The following AFF1 variants were observed in gnomAD, a reference collection of about 807,000 sequenced individuals.
The protein encoded by AFF1 is ALF transcription elongation factor 1.
In AFF1, 48 loss-of-function variants were observed where a neutral mutation model predicts 121.7. The ratio of observed to expected loss-of-function variants is 0.39; its 90% CI spans 0.31 to 0.50. The LOEUF (loss-of-function observed/expected upper bound fraction) is 0.50, where lower values mean the gene tolerates loss of function less well. Ranked by LOEUF, AFF1 falls within the 20% of genes least tolerant of loss-of-function variation. The pLI is 0.76. For synonymous variants in AFF1, 613 were observed against 563.0 expected, an observed-to-expected ratio of 1.09 and a Z score of -1.26; for missense variants, 1,523 against 1,511.7, an observed-to-expected ratio of 1.01 and a Z score of -0.12.
intron 2 of AFF1, among the ~76,000 whole-genome samples, chr4:86,966,191 T>C (rs1722528211): frequency 6.6e-6 from 1 of 151,944 alleles, no homozygotes; most frequent in South Asian, 2.1e-4. Flanking sequence ...ATGGAGGTAC[T>C]ACAGTATATT....
At position 87,082,427 on chromosome 4, in the gene AFF1, G is replaced by GC. The variant is rs1367345616; in HGVS notation, c.1060-1691dup. On this transcript the variant is annotated intron_variant, in intron 4 of 20. Transcript: ENST00000395146. ...GCTAGAGATGATTCCAGTGGATCCTGCCAGATGTAAGGGACACCCTTGATT... is the reference window on the plus strand; with the variant it reads ...GCTAGAGATGATTCCAGTGGATCCTGCCCAGATGTAAGGGACACCCTTGATT... Among the ~76,000 whole-genome samples, 4 of 152,274 alleles carry GC rather than the reference G, an allele frequency of 2.6e-5. No individual in the cohort carries two copies. In the East Asian group the frequency reaches 7.7e-4, roughly 29 times the overall value.
chr4:87,125,541 T>C (rs1359191699), intron 13 of AFF1, among the ~76,000 whole-genome samples: 1 of 152,208 alleles, frequency 6.6e-6, no homozygotes, highest in African/African-American at 2.4e-5. Flanking sequence ...CGGGAGCCTG[T>C]GTTCAGTGCT....
intron 18 of AFF1, 133 bp from the exon 19 acceptor site, chr4:87,132,138 A>AG: frequency 1.0e-6 from 1 of 1,002,564 alleles, no homozygotes; most frequent in Non-Finnish European, 1.4e-6. Flanking sequence ...TGAACAGAGC[A>AG]GTAAGATACT....
intron 4 of AFF1, among the ~76,000 whole-genome samples, chr4:87,065,175 C>G (rs561201783): frequency 6.6e-6 from 1 of 152,184 alleles, no homozygotes; most frequent in Non-Finnish European, 1.5e-5. Flanking sequence ...GGAGAACTCA[C>G]AGTTCCACAT....
intron 8 of AFF1, among the ~76,000 whole-genome samples, chr4:87,098,011 A>G (rs1474757095): frequency 6.6e-6 from 1 of 152,164 alleles, no homozygotes; most frequent in East Asian, 1.9e-4. Flanking sequence ...ATCAGAAAAA[A>G]ATTATTAATT....
chr4:87,072,139 G>A (rs952662141), intron 4 of AFF1, among the ~76,000 whole-genome samples: 1 of 152,130 alleles, frequency 6.6e-6, no homozygotes, highest in Non-Finnish European at 1.5e-5. Context: ...CGAGGTGGGC[G>A]GATCACGAAG....
chr4:87,136,747 A>G lies in AFF1; in HGVS notation c.*1046A>G, dbSNP rs1178178569. ...CTCAGAGTTTCGTCAGTGAACAAGAAACATGAAATCTGCTTCTTAGAGAGG... is the reference window on the plus strand; with the variant it reads ...CTCAGAGTTTCGTCAGTGAACAAGAGACATGAAATCTGCTTCTTAGAGAGG... On this transcript the variant is annotated 3_prime_UTR_variant, in exon 21 of 21. Coordinates refer to ENST00000395146, the MANE Select transcript of AFF1 (RefSeq NM_001166693.3). 2.2e-5 allele frequency: 5 copies of G among 227,670 alleles called. No individual in the cohort carries two copies. Among genetic ancestry groups the G allele is most frequent in the Non-Finnish European group, 4.4e-5 (5 of 114,684 alleles). The allele number at this position is 227,670 out of a possible 1,614,324, so 14.1% of individuals were successfully genotyped here.
intron 4 of AFF1, among the ~76,000 whole-genome samples, chr4:87,081,508 T>C (rs1384888734): frequency 6.6e-6 from 1 of 152,192 alleles, no homozygotes. Flanking sequence ...TGAACATCTT[T>C]CCATGCAAAC....
intron 4 of AFF1, among the ~76,000 whole-genome samples, chr4:87,071,198 G>GA (rs1236596326): frequency 1.6e-4 from 24 of 149,068 alleles, no homozygotes; most frequent in African/African-American, 5.9e-4. Flanking sequence ...TTTAAATACA[G>GA]GGTTCTAGGT....
intron 2 of AFF1, among the ~76,000 whole-genome samples, chr4:87,017,026 A>G (rs535678294): frequency 6.6e-6 from 1 of 151,948 alleles, no homozygotes; most frequent in African/African-American, 2.4e-5. Flanking sequence ...AATTGTGAAT[A>G]ATGTTGCTGT....
At chr4:87,079,389 G>A (rs983209641) in intron 4 of AFF1, among the ~76,000 whole-genome samples, 5 of 152,214 alleles carry the variant, frequency 3.3e-5, no homozygotes, top group African/African-American at 9.6e-5. Flanking sequence ...CATTCCAGGA[G>A]GAGTGAGAAA....
intron 1 of AFF1, among the ~76,000 whole-genome samples, chr4:86,945,060 T>C (rs1261542535): frequency 6.6e-6 from 1 of 152,236 alleles, no homozygotes; most frequent in East Asian, 1.9e-4. Context: ...TTTGCATCAT[T>C]CACATAAAAT....
At chr4:86,993,010 A>G (rs1171628444) in intron 2 of AFF1, among the ~76,000 whole-genome samples, 3 of 152,206 alleles carry the variant, frequency 2.0e-5, no homozygotes, top group African/African-American at 7.2e-5. Context: ...TTTAGACGTA[A>G]TAAATGCTCA....
intron 2 of AFF1, among the ~76,000 whole-genome samples, chr4:86,961,311 G>A (rs1578853004): frequency 6.6e-6 from 1 of 152,148 alleles, no homozygotes; most frequent in Admixed American, 6.5e-5. Context: ...TCAGTGGCTA[G>A]CTTCCTTCCA....
At chr4:87,072,063 T>G (rs1722117894) in intron 4 of AFF1, among the ~76,000 whole-genome samples, 1 of 152,054 alleles carries the variant, frequency 6.6e-6, no homozygotes, top group South Asian at 2.1e-4. Flanking sequence ...TATGAATGCT[T>G]AGAAGATTTT....
intron 4 of AFF1, among the ~76,000 whole-genome samples, chr4:87,082,484 T>C (rs1307217530): frequency 6.6e-6 from 1 of 152,218 alleles, no homozygotes; most frequent in Non-Finnish European, 1.5e-5. Flanking sequence ...CAAGACTCTT[T>C]CCAGGAAATT....
chr4:87,063,426 A>C (rs1393920749), intron 4 of AFF1, among the ~76,000 whole-genome samples: 2 of 151,692 alleles, frequency 1.3e-5, no homozygotes, highest in Non-Finnish European at 2.9e-5. Context: ...TTTTAGCAGG[A>C]TGGGGTTTCT....
At chr4:87,086,237 ATTTG>A (rs561773064) in intron 5 of AFF1, among the ~76,000 whole-genome samples, 2 of 152,042 alleles carry the variant, frequency 1.3e-5, no homozygotes, top group Non-Finnish European at 2.9e-5. Context: ...ATTGTGCGTT[ATTTG>A]TTCTATCATT....
intron 8 of AFF1, among the ~76,000 whole-genome samples, chr4:87,101,560 C>T (rs961932238): frequency 1.7e-4 from 25 of 146,322 alleles, no homozygotes; most frequent in African/African-American, 6.3e-4. Context: ...GCATGGGCGA[C>T]AGAGTGAGAC....
Sources: gnomAD v4.1 joint callset for allele counts (sites outside exome capture counted in the v4.1 genomes callset) on GRCh38, gnomAD v4.1.1 for gene constraint, MANE v1.5 for transcripts, NCBI Gene and HGNC (gene_info 2026-07-23, HGNC 2026-07-21) for gene names.